Variants in MSX1 observed in about 807,000 individuals in gnomAD.
The protein encoded by MSX1 is msh homeobox 1.
Under a neutral mutation model 17.0 loss-of-function variants are expected in MSX1, and 11 were observed. That is an observed-to-expected ratio of 0.65 (90% CI 0.41 to 1.07). The LOEUF (loss-of-function observed/expected upper bound fraction) is 1.07, where lower values mean the gene tolerates loss of function less well. MSX1 is among the 50% of genes least tolerant of loss of function. The pLI is 0.00. For missense variants in MSX1, 477 were observed against 440.1 expected (o/e 1.08, Z -0.75); for synonymous variants, 253 against 211.8 (o/e 1.19, Z -1.69).
In MSX1 at chr4:4,863,722, G is replaced by A. The variant is rs1737984824; in HGVS notation, c.*579G>A. ...AAACACAGATGTGTTGCAAAGGTAG[G>A]TTGAAGGGACCTCTCTCTTACCAGT... On this transcript the variant is annotated 3_prime_UTR_variant, in exon 2 of 2. Transcript: ENST00000382723. 1 of 151,016 alleles carries A rather than the reference G, an allele frequency of 6.6e-6. No individual in the cohort carries two copies. Among genetic ancestry groups the A allele is most frequent in the Non-Finnish European group, 1.5e-5 (1 of 67,848 alleles). The allele number at this position is 151,016 out of a possible 1,614,324, so 9.4% of individuals were successfully genotyped here.
chr4:4,860,621 GTCC>G (rs1327076763), intron 1 of MSX1, among the ~76,000 whole-genome samples: 1 of 152,196 alleles, frequency 6.6e-6, no homozygotes, highest in African/African-American at 2.4e-5. Context: ...TGGGCACCCT[GTCC>G]TCCTGCCCCC....
At chr4:4,861,353 G>T (rs1737913043) in intron 1 of MSX1, among the ~76,000 whole-genome samples, 1 of 152,254 alleles carries the variant, frequency 6.6e-6, no homozygotes, top group Non-Finnish European at 1.5e-5. Flanking sequence ...AAGCTAGTTG[G>T]GGGCCAAGCG....
intron 1 of MSX1, among the ~76,000 whole-genome samples, chr4:4,861,313 C>T (rs1390225814): frequency 6.6e-6 from 1 of 152,228 alleles, no homozygotes; most frequent in African/African-American, 2.4e-5. Context: ...ACGTTTCTCT[C>T]GGCGCCCGCC....
intron 1 of MSX1, among the ~76,000 whole-genome samples, chr4:4,862,231 C>A (rs1737932381): frequency 6.6e-6 from 1 of 152,234 alleles, no homozygotes; most frequent in Non-Finnish European, 1.5e-5. Flanking sequence ...ACTCCGTGGG[C>A]ACTGATAAAT....
chr4:4,862,453 C>T, intron 1 of MSX1: 1 of 687,216 alleles, frequency 1.5e-6, no homozygotes, highest in Non-Finnish European at 2.7e-6. Flanking sequence ...GAGCCTTCAA[C>T]GTGGGTATTT....
chr4:4,860,705 G>A (rs533836217), intron 1 of MSX1, among the ~76,000 whole-genome samples: 54 of 152,304 alleles, frequency 3.5e-4, no homozygotes, highest in Admixed American at 1.1e-3. Flanking sequence ...TCACCCCAGC[G>A]GATGAATGTG....
rs1185222483 is a variant in MSX1 at position 4,863,006 on chromosome 4, G to A, written c.775G>A (p.Gly259Ser). Residue 259 changes from glycine to serine, a missense_variant, in exon 2 of 2, where the codon GGC becomes AGC. This residue lies in a region of MSX1 where 114 missense variants were observed against 106.3 expected (regional missense o/e 1.07). Transcript: ENST00000382723. ...AAFGLSFPLG[G>S]PAAVAAAAGA... ...CTTCGGCCTCTCCTTCCCTCTCGGC[G>A]GCCCCGCAGCTGTAGCGGCCGCGGC... 4 of 1,612,368 alleles carry A rather than the reference G, an allele frequency of 2.5e-6. No homozygotes were observed. The highest frequency in any genetic ancestry group is 1.3e-5 in the African/African-American group (1 of 75,060).
intron 1 of MSX1, among the ~76,000 whole-genome samples, chr4:4,860,659 A>G (rs955377316): frequency 1.3e-5 from 2 of 152,142 alleles, no homozygotes; most frequent in African/African-American, 4.8e-5. Context: ...GGGGTCCATG[A>G]TCCCTCATCT....
Position 4,862,962 on chromosome 4 carries a change from C to T in MSX1, c.731C>T (p.Pro244Leu). 1 of 1,613,206 alleles carries T rather than the reference C, an allele frequency of 6.2e-7. No individual in the cohort carries two copies. Among genetic ancestry groups the T allele is most frequent in the Non-Finnish European group, 8.5e-7 (1 of 1,180,004 alleles). ...GAGAAGCTGAAGATGGCCGCCAAGCCCATGCTGCCACCGGCTGCCTTCGGC... is the reference window on the plus strand; with the variant it reads ...GAGAAGCTGAAGATGGCCGCCAAGCTCATGCTGCCACCGGCTGCCTTCGGC... ...ELEKLKMAAK[P>L]MLPPAAFGLS... Residue 244 changes from proline (P) to leucine (L), a missense_variant, in exon 2 of 2, where the codon CCC (proline) becomes CTC (leucine). Around this residue, in one of 3 missense-constraint regions of MSX1, gnomAD observed 114 missense variants for 106.3 expected, o/e 1.07. Transcript: ENST00000382723.
rs1041367076 is a variant in MSX1 at position 4,863,370 on chromosome 4, G to A, written c.*227G>A. 1.8e-6 allele frequency: 1 copy of A among 550,662 alleles called. No individual in the cohort carries two copies. 34.1% of individuals were successfully genotyped at this position (550,662 alleles called of 1,614,324 possible). On this transcript the variant is annotated 3_prime_UTR_variant, in exon 2 of 2. Transcript: ENST00000382723. ...TTCTAGCATTTAGATCTACACTCTC[G>A]AGTTAAAGATGGGGAAACTGAGGGC...
intron 1 of MSX1, among the ~76,000 whole-genome samples, chr4:4,860,662 C>T (rs982840327): frequency 5.3e-5 from 8 of 152,204 alleles, no homozygotes; most frequent in Non-Finnish European, 1.2e-4. Context: ...GTCCATGATC[C>T]CTCATCTGAT....
chr4:4,862,629 C>T, intron 1 of MSX1, 72 bp from the exon 2 acceptor site: 1 of 1,553,394 alleles, frequency 6.4e-7, no homozygotes. Flanking sequence ...GCTATTATTA[C>T]TACTTCTTGG....
At chr4:4,861,641 T>C (rs1737918102) in intron 1 of MSX1, among the ~76,000 whole-genome samples, 1 of 152,246 alleles carries the variant, frequency 6.6e-6, no homozygotes, top group African/African-American at 2.4e-5. Context: ...CTTAGGGCCT[T>C]GGGCCCCAAG....
At position 4,862,807 on chromosome 4, in the gene MSX1, C is replaced by T. The variant is rs144984121; in HGVS notation, c.576C>T (p.Arg192=). 2.5e-6 allele frequency: 4 copies of T among 1,613,586 alleles called. No homozygotes were observed. In the African/African-American group the frequency reaches 5.3e-5, roughly 22 times the overall value. The change falls in exon 2 of 2, where the codon CGC becomes CGT. Residue 192 remains arginine, a synonymous_variant. Transcript: ENST00000382723. ...TGCTGGCGCTGGAGCGCAAGTTCCG[C>T]CAGAAGCAGTACCTGTCCATCGCCG... ...AQLLALERKF[R]QKQYLSIAER...
At position 4,863,770 on chromosome 4, in the gene MSX1, TAA is replaced by T. The variant is rs33962425; in HGVS notation, c.*641_*642del. 0.035 allele frequency: 5,045 copies of T among 144,810 alleles called. 145 individuals carry two copies. Among genetic ancestry groups the T allele is most frequent in the Non-Finnish European group, 0.048 (3,179 of 65,870 alleles). 9.0% of individuals were successfully genotyped at this position (144,810 alleles called of 1,614,324 possible). ...AGTACCAGAAACACAATTGTAAAAT[TAA>T]AAAAAAAAAAAAACTCTTTCTATTT... On this transcript the variant is annotated 3_prime_UTR_variant, in exon 2 of 2. Coordinates refer to ENST00000382723, the MANE Select transcript of MSX1 (RefSeq NM_002448.3).
chr4:4,862,513 C>A lies in MSX1; in HGVS notation c.470-188C>A, dbSNP rs780832013. 8 of 771,312 alleles carry A rather than the reference C, an allele frequency of 1.0e-5. No homozygotes were observed. In the East Asian group the frequency reaches 2.1e-4, roughly 20 times the overall value. The allele number at this position is 771,312 out of a possible 1,614,324, so 47.8% of individuals were successfully genotyped here. A position where few individuals can be genotyped will look rare whatever the true frequency, so the allele number is the denominator to read the frequency against. ...ATTTGCAAAAAGTAGACAGGAACTTCTCCCCTGCGGGGTTGCAATGGGAAT... is the reference window on the plus strand; with the variant it reads ...ATTTGCAAAAAGTAGACAGGAACTTATCCCCTGCGGGGTTGCAATGGGAAT... On this transcript the variant is annotated intron_variant, in intron 1 of 1. Transcript: ENST00000382723.
chr4:4,861,312 T>C (rs1737911401), intron 1 of MSX1, among the ~76,000 whole-genome samples: 1 of 152,212 alleles, frequency 6.6e-6, no homozygotes, highest in African/African-American at 2.4e-5. Context: ...GACGTTTCTC[T>C]CGGCGCCCGC....
chr4:4,862,575 C>G (rs765835788), intron 1 of MSX1, 126 bp from the exon 2 acceptor site: 40 of 1,133,556 alleles, frequency 3.5e-5, no homozygotes, highest in Middle Eastern at 1.9e-4. Context: ...GCGCGATGCC[C>G]GGCACCGAGG....
chr4:4,863,338 AG>A lies in MSX1; in HGVS notation c.*196del. On this transcript the variant is annotated 3_prime_UTR_variant, in exon 2 of 2. Coordinates refer to ENST00000382723, the MANE Select transcript of MSX1 (RefSeq NM_002448.3). ...CAAAAAGTGGCTGGAAGAGTCCCTT[AG>A]TACTCTTCTAGCATTTAGATCTACA... 5 of 535,426 alleles carry A rather than the reference AG, an allele frequency of 9.3e-6. No homozygotes were observed. The highest frequency in any genetic ancestry group is 3.2e-5 in the Admixed American group (1 of 30,884). 33.2% of individuals were successfully genotyped at this position (535,426 alleles called of 1,614,324 possible).
Sources: gnomAD v4.1 joint callset for allele counts (sites outside exome capture counted in the v4.1 genomes callset) on GRCh38, gnomAD v4.1.1 for gene constraint, gnomAD v4.1.1 regional missense constraint, MANE v1.5 for transcripts, NCBI Gene and HGNC (gene_info 2026-07-23, HGNC 2026-07-21) for gene names.